TFDP2: variants seen among roughly 807,000 people sequenced by gnomAD.
The protein encoded by TFDP2 is transcription factor Dp-2 (E2F dimerization partner 2).
TFDP2 carries 17 observed loss-of-function variants against 59.3 expected under a neutral mutation model. That is an observed-to-expected ratio of 0.29 (90% CI 0.20 to 0.43). The LOEUF (loss-of-function observed/expected upper bound fraction) is 0.43, where lower values mean the gene tolerates loss of function less well. Among genes scored for constraint, TFDP2 ranks in the 20% least tolerant of loss-of-function variants. The pLI is 1.00. For synonymous variants in TFDP2, 180 were observed against 194.7 expected, an observed-to-expected ratio of 0.92 and a Z score of 0.63; for missense variants, 391 against 528.8, an observed-to-expected ratio of 0.74 and a Z score of 2.56.
intron 3 of TFDP2, among the ~76,000 whole-genome samples, chr3:142,083,690 A>G (rs1335433942): frequency 6.6e-6 from 1 of 152,228 alleles, no homozygotes; most frequent in Non-Finnish European, 1.5e-5. Flanking sequence ...AGAACCCAGA[A>G]ATAAATCCAT....
chr3:142,094,620 C>T (rs2061105254), intron 2 of TFDP2, among the ~76,000 whole-genome samples: 1 of 151,932 alleles, frequency 6.6e-6, no homozygotes, highest in Non-Finnish European at 1.5e-5. Context: ...ACTATACTTT[C>T]AAGACACTAC....
intron 3 of TFDP2, among the ~76,000 whole-genome samples, chr3:142,018,385 G>GT (rs1945310206): frequency 6.6e-6 from 1 of 152,038 alleles, no homozygotes; most frequent in Non-Finnish European, 1.5e-5. Context: ...CACATTACTT[G>GT]TATCAACTGT....
At chr3:142,132,791 T>A (rs1577058130) in intron 1 of TFDP2, among the ~76,000 whole-genome samples, 7 of 124,274 alleles carry the variant, frequency 5.6e-5, no homozygotes, top group South Asian at 2.5e-4. Context: ...TGTATCTCAA[T>A]AAAGCTTTAA....
chr3:142,013,859 G>T (rs1432473274), intron 3 of TFDP2, among the ~76,000 whole-genome samples: 2 of 150,916 alleles, frequency 1.3e-5, no homozygotes, highest in Admixed American at 6.6e-5. Flanking sequence ...AAAATATCCA[G>T]TTACATAATT....
intron 1 of TFDP2, among the ~76,000 whole-genome samples, chr3:142,132,548 A>T (rs2108731343): frequency 6.7e-6 from 1 of 149,618 alleles, no homozygotes; most frequent in Admixed American, 6.6e-5. Flanking sequence ...GATCAAGACC[A>T]TCCTGGCTAA....
intron 3 of TFDP2, among the ~76,000 whole-genome samples, chr3:142,030,741 CTTTTT>C (rs56836983): frequency 8.2e-6 from 1 of 121,822 alleles, no homozygotes. Context: ...CCCGTGTTCT[CTTTTT>C]TTTTTTTTTT....
At chr3:142,070,873 G>C (rs1490511093) in intron 3 of TFDP2, among the ~76,000 whole-genome samples, 1 of 152,072 alleles carries the variant, frequency 6.6e-6, no homozygotes, top group Non-Finnish European at 1.5e-5. Context: ...CCATTTAGGA[G>C]TTTTAAATAT....
chr3:142,018,531 C>G (rs753038342), intron 3 of TFDP2, among the ~76,000 whole-genome samples: 7 of 151,990 alleles, frequency 4.6e-5, no homozygotes, highest in Non-Finnish European at 1.0e-4. Flanking sequence ...GGAACAATCA[C>G]AGCTTACTGC....
At chr3:142,037,391 G>C (rs1946738978) in intron 3 of TFDP2, among the ~76,000 whole-genome samples, 1 of 152,148 alleles carries the variant, frequency 6.6e-6, no homozygotes, top group African/African-American at 2.4e-5. Context: ...AGATGGTAAA[G>C]GGTATTAGTA....
intron 9 of TFDP2, among the ~76,000 whole-genome samples, chr3:141,967,580 C>A (rs1204887162): frequency 2.0e-5 from 3 of 152,168 alleles, no homozygotes; most frequent in Non-Finnish European, 4.4e-5. Context: ...ATGCGTGAGC[C>A]ACCACATCCG....
intron 3 of TFDP2, among the ~76,000 whole-genome samples, chr3:142,058,772 A>G (rs1391958945): frequency 6.6e-6 from 1 of 152,134 alleles, no homozygotes; most frequent in Non-Finnish European, 1.5e-5. Context: ...CACTGTGTCC[A>G]CCAACCCAGA....
At chr3:141,977,111 T>A (rs1242110961) in intron 7 of TFDP2, among the ~76,000 whole-genome samples, 6,579 of 118,368 alleles carry the variant, frequency 0.056, 218 homozygotes, top group African/African-American at 0.098. Flanking sequence ...TATATATTTT[T>A]TTTTTTTTTT....
At chr3:142,044,126 C>A in intron 3 of TFDP2, 1 of 600,202 alleles carries the variant, frequency 1.7e-6, no homozygotes, top group South Asian at 1.6e-5. Flanking sequence ...TCATTCGGGT[C>A]CAACCAGACC....
chr3:142,045,854 C>T (rs890453096), intron 3 of TFDP2, among the ~76,000 whole-genome samples: 1 of 151,652 alleles, frequency 6.6e-6, no homozygotes, highest in South Asian at 2.1e-4. Flanking sequence ...AAATCCTGAC[C>T]TCAAGTGATC....
chr3:141,984,871 G>A (rs1198024106), intron 6 of TFDP2, among the ~76,000 whole-genome samples: 1 of 152,038 alleles, frequency 6.6e-6, no homozygotes, highest in Non-Finnish European at 1.5e-5. Flanking sequence ...ATGAGAGGGG[G>A]TCATGTTTCT....
At chr3:142,033,943 C>T (rs189898087) in intron 3 of TFDP2, among the ~76,000 whole-genome samples, 15 of 152,228 alleles carry the variant, frequency 9.9e-5, no homozygotes, top group African/African-American at 3.6e-4. Flanking sequence ...TTTCTCTTCC[C>T]ACTGAGTTCA....
chr3:142,042,800 C>T (rs1314791358), intron 3 of TFDP2, among the ~76,000 whole-genome samples: 1 of 130,574 alleles, frequency 7.7e-6, no homozygotes, highest in African/African-American at 3.0e-5. Flanking sequence ...AGTGCAATGG[C>T]TTGATCTCGG....
At chr3:141,959,472 G>A (rs1490860892) in intron 11 of TFDP2, among the ~76,000 whole-genome samples, 1 of 152,152 alleles carries the variant, frequency 6.6e-6, no homozygotes, top group Non-Finnish European at 1.5e-5. Context: ...AATGTGTGGT[G>A]TATAGATGTA....
chr3:141,952,745 T>G, intron 12 of TFDP2, 49 bp from the exon 13 acceptor site: 1 of 1,601,132 alleles, frequency 6.2e-7, no homozygotes, highest in South Asian at 1.1e-5. Flanking sequence ...GTATAAACAG[T>G]TTTGTAAAAC....
Sources: gnomAD v4.1 joint callset for allele counts (sites outside exome capture counted in the v4.1 genomes callset) on GRCh38, gnomAD v4.1.1 for gene constraint, MANE v1.5 for transcripts, NCBI Gene and HGNC (gene_info 2026-07-23, HGNC 2026-07-21) for gene names.